The following TBC1D23 variants were observed in gnomAD, a reference collection of about 807,000 sequenced individuals.
The protein encoded by TBC1D23 is TBC1 domain family member 23.
Under a neutral mutation model 91.4 loss-of-function variants are expected in TBC1D23, and 55 were observed. The ratio of observed to expected loss-of-function variants is 0.60; its 90% confidence interval spans 0.48 to 0.75. TBC1D23 has a LOEUF of 0.75. TBC1D23 is among the 30% of genes least tolerant of loss of function. The probability of loss-of-function intolerance (pLI) is 0.00; values close to 1 mark genes in which losing one functional copy is unlikely to be tolerated. For missense variants in TBC1D23, 725 were observed against 836.1 expected (o/e 0.87, Z 1.64); for synonymous variants, 289 against 281.0 (o/e 1.03, Z -0.28).
intron 1 of TBC1D23, among the ~76,000 whole-genome samples, chr3:100,277,619 G>A (rs1176539627): frequency 3.3e-5 from 5 of 152,206 alleles, no homozygotes; most frequent in Admixed American, 6.5e-5. Context: ...AAAGGATTTT[G>A]CACTAAAAAG....
At chr3:100,318,827 T>C (rs113005901) in intron 16 of TBC1D23, among the ~76,000 whole-genome samples, 12,722 of 151,810 alleles carry the variant, frequency 0.084, 573 homozygotes, top group Admixed American at 0.12. Flanking sequence ...ATTTTTTGTA[T>C]TTTTTAGTAG....
intron 10 of TBC1D23, 177 bp from the exon 11 acceptor site, chr3:100,301,890 A>G: frequency 1.8e-6 from 1 of 555,942 alleles, no homozygotes; most frequent in Admixed American, 3.6e-5. Context: ...TGTATTATAG[A>G]TACATTTATA....
At position 100,323,737 on chromosome 3, in the gene TBC1D23, G is replaced by A. The variant is rs902590923; in HGVS notation, c.*69G>A. ...AAACATGGACATATACCTCCTGACT[G>A]AATACTAACTGGAGACCTTTCATTT... On this transcript the variant is annotated 3_prime_UTR_variant, in exon 19 of 19. Transcript: ENST00000394144. The A allele has an allele frequency of 1.6e-5, 11 of 685,696 alleles. No individual in the cohort carries two copies. Among genetic ancestry groups the A allele is most frequent in the Non-Finnish European group, 2.4e-5 (11 of 465,064 alleles). 42.5% of individuals were successfully genotyped at this position (685,696 alleles called of 1,614,324 possible).
chr3:100,278,831 G>A (rs1178482129), intron 1 of TBC1D23, among the ~76,000 whole-genome samples: 1 of 152,076 alleles, frequency 6.6e-6, no homozygotes, highest in Non-Finnish European at 1.5e-5. Flanking sequence ...AAACTGCTTG[G>A]TAATTTACTT....
At chr3:100,294,926 C>T (rs1264646330) in intron 5 of TBC1D23, among the ~76,000 whole-genome samples, 161 bp from the exon 6 acceptor site, 1 of 152,190 alleles carries the variant, frequency 6.6e-6, no homozygotes, top group Non-Finnish European at 1.5e-5. Flanking sequence ...CTTGAATTCA[C>T]ATGTTTTGCC....
At position 100,320,771 on chromosome 3, in the gene TBC1D23, C is replaced by T. The variant is rs1276340775; in HGVS notation, c.1824-6C>T. 4.2e-6 allele frequency: 6 copies of T among 1,432,314 alleles called. No homozygotes were observed. Among genetic ancestry groups the T allele is most frequent in the East Asian group, 5.2e-5 (2 of 38,756 alleles). 88.7% of individuals were successfully genotyped at this position (1,432,314 alleles called of 1,614,324 possible). On this transcript the variant is annotated splice_region_variant and splice_polypyrimidine_tract_variant and intron_variant, in intron 17 of 18. Transcript: ENST00000394144. ...CTTTTTCTTTTAATGCTTTTTTTGT[C>T]TCAAGTCATCTGTTGGTTACTGCAA...
rs950034439 is a variant in TBC1D23, at chr3:100,324,105, C to T, written c.*437C>T. On this transcript the variant is annotated 3_prime_UTR_variant, in exon 19 of 19. Coordinates refer to ENST00000394144, the MANE Select transcript of TBC1D23 (RefSeq NM_001199198.3). ...TCCTTAATTGCTACATTGTTTTACT[C>T]ACTGAGCAATATCAGAAACTAAAAC... is the stretch of plus-strand genomic sequence containing the variant. 5 of 152,120 alleles carry T rather than the reference C, an allele frequency of 3.3e-5. No individual in the cohort carries two copies. Among genetic ancestry groups the T allele is most frequent in the African/African-American group, 1.2e-4 (5 of 41,418 alleles). The allele number at this position is 152,120 out of a possible 1,614,324, so 9.4% of individuals were successfully genotyped here.
intron 18 of TBC1D23, 36 bp from the exon 19 acceptor site, chr3:100,323,551 A>G: frequency 3.1e-6 from 3 of 969,300 alleles, no homozygotes; most frequent in Non-Finnish European, 4.2e-6. Flanking sequence ...ATATGTATAT[A>G]TATATGTATA....
chr3:100,315,881 G>A (rs1425791801), intron 15 of TBC1D23: 5 of 543,512 alleles, frequency 9.2e-6, no homozygotes, highest in Non-Finnish European at 1.6e-5. Flanking sequence ...AGAGCATTCA[G>A]CCTACCAAGG....
At chr3:100,296,942 G>A (rs1402564663) in intron 8 of TBC1D23, among the ~76,000 whole-genome samples, 1 of 151,944 alleles carries the variant, frequency 6.6e-6, no homozygotes. Flanking sequence ...TGGAGTTCAG[G>A]CTTGTATAGT....
chr3:100,275,601 G>A (rs2067642487), intron 1 of TBC1D23, among the ~76,000 whole-genome samples: 1 of 152,070 alleles, frequency 6.6e-6, no homozygotes, highest in African/African-American at 2.4e-5. Context: ...TTTTGAGTGA[G>A]GTTTTAATAG....
intron 1 of TBC1D23, among the ~76,000 whole-genome samples, chr3:100,272,365 C>T (rs1021331829): frequency 2.0e-5 from 3 of 152,128 alleles, no homozygotes; most frequent in Non-Finnish European, 4.4e-5. Context: ...TGCAGTATTT[C>T]GTTTTCTGTT....
At chr3:100,295,529 C>G (rs1445207258) in intron 7 of TBC1D23, among the ~76,000 whole-genome samples, 181 bp downstream of exon 7, 1 of 152,228 alleles carries the variant, frequency 6.6e-6, no homozygotes, top group East Asian at 1.9e-4. Flanking sequence ...TTTATTTTGC[C>G]ATCTTCATTC....
intron 13 of TBC1D23, among the ~76,000 whole-genome samples, chr3:100,308,011 T>G (rs544889876): frequency 6.6e-6 from 1 of 152,220 alleles, no homozygotes; most frequent in Non-Finnish European, 1.5e-5. Flanking sequence ...AGTTTTTCTA[T>G]TGAAGCTTTT....
At chr3:100,323,116 A>G (rs1705892615) in intron 18 of TBC1D23, among the ~76,000 whole-genome samples, 2 of 152,178 alleles carry the variant, frequency 1.3e-5, no homozygotes, top group South Asian at 2.1e-4. Context: ...AACTATAGCT[A>G]CTTTTTATAT....
chr3:100,311,798 C>T, intron 14 of TBC1D23, 35 bp from the exon 15 acceptor site: 1 of 1,482,032 alleles, frequency 6.7e-7, no homozygotes, highest in Admixed American at 2.0e-5. Context: ...TTTTTATAAT[C>T]ATTTTGTTCT....
At chr3:100,303,731 C>T (rs775151323) in intron 11 of TBC1D23, among the ~76,000 whole-genome samples, 1 of 152,146 alleles carries the variant, frequency 6.6e-6, no homozygotes, top group Non-Finnish European at 1.5e-5. Flanking sequence ...AGTCATGCCA[C>T]TGTACTCCAG....
chr3:100,264,157 C>CT (rs1428036362), intron 1 of TBC1D23, among the ~76,000 whole-genome samples: 9 of 152,014 alleles, frequency 5.9e-5, no homozygotes, highest in Admixed American at 5.9e-4. Context: ...AATGGGGATG[C>CT]TTTACTCTTG....
chr3:100,301,988 T>A, intron 10 of TBC1D23, 79 bp from the exon 11 acceptor site: 1 of 1,142,638 alleles, frequency 8.8e-7, no homozygotes, highest in Non-Finnish European at 1.2e-6. Flanking sequence ...TTGGGGTTTT[T>A]CCTAAAAAAA....
Sources: gnomAD v4.1 joint callset for allele counts (sites outside exome capture counted in the v4.1 genomes callset) on GRCh38, gnomAD v4.1.1 for gene constraint, MANE v1.5 for transcripts, NCBI Gene and HGNC (gene_info 2026-07-23, HGNC 2026-07-21) for gene names.